CCDC102B: variants seen among roughly 807,000 people sequenced by gnomAD.
The protein encoded by CCDC102B is coiled-coil domain containing 102B.
A neutral mutation model predicts 57.4 loss-of-function variants in CCDC102B; 75 were observed. That is an observed-to-expected ratio of 1.31 (90% CI 1.08 to 1.58). CCDC102B has a LOEUF of 1.58. Among genes scored for constraint, CCDC102B ranks in the 40% most tolerant of loss-of-function variants. The pLI is 0.00. For missense variants in CCDC102B, 636 were observed against 582.6 expected (o/e 1.09, Z -0.94); for synonymous variants, 206 against 201.9 (o/e 1.02, Z -0.17).
At chr18:68,920,863 G>T (rs1167589410) in intron 6 of CCDC102B, among the ~76,000 whole-genome samples, 1 of 152,088 alleles carries the variant, frequency 6.6e-6, no homozygotes, top group African/African-American at 2.4e-5. Flanking sequence ...GGGAATTATG[G>T]GGTTTATGAG....
chr18:68,968,225 G>C (rs766586824), intron 6 of CCDC102B, among the ~76,000 whole-genome samples: 4 of 152,102 alleles, frequency 2.6e-5, no homozygotes, highest in African/African-American at 4.8e-5. Flanking sequence ...ATAGCCAACT[G>C]TTCCTGGGTA....
At chr18:68,889,588 T>TTTTG (rs374805210) in intron 5 of CCDC102B, among the ~76,000 whole-genome samples, 2,141 of 151,978 alleles carry the variant, frequency 0.014, 27 homozygotes, top group Non-Finnish European at 0.024. Flanking sequence ...CCCGGCTAAT[T>TTTTG]TTTGTTTGTT....
intron 6 of CCDC102B, among the ~76,000 whole-genome samples, chr18:68,928,830 GA>G (rs1392414689): frequency 1.3e-5 from 2 of 151,872 alleles, no homozygotes; most frequent in Non-Finnish European, 2.9e-5. Context: ...GGATTTTAAA[GA>G]GGGGGGACAA....
intron 4 of CCDC102B, among the ~76,000 whole-genome samples, chr18:68,857,375 A>G (rs1376193384): frequency 8.9e-6 from 1 of 112,304 alleles, no homozygotes; most frequent in Non-Finnish European, 1.7e-5. Context: ...ATTTCTATAT[A>G]TAAATATATA....
rs564977836 is a variant in CCDC102B, at chr18:68,925,889, A to G, written c.1263+28461A>G. On this transcript the variant is annotated intron_variant, in intron 6 of 7. Coordinates refer to ENST00000360242, the MANE Select transcript of CCDC102B (RefSeq NM_024781.3). ...AGTTATTTTGAGGAGTATATTATCA[A>G]TATATATCTCTGAGACATTTTTTAA... 2.1e-3 allele frequency among the ~76,000 whole-genome samples: 317 copies of G among 152,086 alleles called. 2 individuals carry two copies. The highest frequency in any genetic ancestry group is 7.4e-3 in the African/African-American group (307 of 41,536).
At chr18:68,742,615 G>A (rs1822932167) in intron 2 of CCDC102B, among the ~76,000 whole-genome samples, 1 of 152,118 alleles carries the variant, frequency 6.6e-6, no homozygotes, top group Non-Finnish European at 1.5e-5. Context: ...ATTGGTCATG[G>A]GCCACTGGCA....
intron 7 of CCDC102B, among the ~76,000 whole-genome samples, chr18:69,046,061 T>C (rs2052558733): frequency 6.6e-6 from 1 of 152,152 alleles, no homozygotes; most frequent in Non-Finnish European, 1.5e-5. Context: ...AATGAACATA[T>C]GCATGCTTAT....
intron 7 of CCDC102B, among the ~76,000 whole-genome samples, chr18:69,011,870 A>T (rs955526972): frequency 6.6e-6 from 1 of 152,204 alleles, no homozygotes; most frequent in African/African-American, 2.4e-5. Flanking sequence ...GAAATAAAAA[A>T]ATAAGCAGCT....
chr18:68,777,802 C>G (rs1053599624), intron 2 of CCDC102B, among the ~76,000 whole-genome samples: 8 of 151,916 alleles, frequency 5.3e-5, no homozygotes, highest in Non-Finnish European at 1.0e-4. Flanking sequence ...AGAACAGTTT[C>G]CTAAATATGT....
chr18:68,851,675 G>C (rs562063951), intron 4 of CCDC102B, among the ~76,000 whole-genome samples: 98 of 152,208 alleles, frequency 6.4e-4, no homozygotes, highest in Middle Eastern at 3.4e-3. Flanking sequence ...AAAAAGAGAG[G>C]TTAAGTTAAG....
intron 7 of CCDC102B, among the ~76,000 whole-genome samples, chr18:69,025,123 G>A (rs957426436): frequency 6.6e-6 from 1 of 151,948 alleles, no homozygotes. Context: ...GCAAAGAAAA[G>A]ATGTCATGAC....
chr18:68,863,736 A>G (rs559197340), intron 4 of CCDC102B, among the ~76,000 whole-genome samples: 1 of 152,058 alleles, frequency 6.6e-6, no homozygotes, highest in African/African-American at 2.4e-5. Flanking sequence ...TTTTTTTAGT[A>G]TCAATATTAA....
chr18:68,972,208 T>A (rs1599773858), intron 6 of CCDC102B, among the ~76,000 whole-genome samples: 1 of 152,192 alleles, frequency 6.6e-6, no homozygotes, highest in Admixed American at 6.5e-5. Flanking sequence ...CCTTGCTTCC[T>A]GTTTCCACGT....
At chr18:68,793,638 C>T (rs1331779916), upstream of CCDC102B, among the ~76,000 whole-genome samples, 3 of 149,524 alleles carry the variant, frequency 2.0e-5, no homozygotes, top group Non-Finnish European at 4.5e-5. Flanking sequence ...TCCATTTATC[C>T]ATTTACTGTT....
chr18:68,790,364 C>T (rs971556925), intron 2 of CCDC102B, among the ~76,000 whole-genome samples: 44 of 151,798 alleles, frequency 2.9e-4, no homozygotes, highest in Non-Finnish European at 6.0e-4. Context: ...CCACCCAGTT[C>T]GAGCTTCTGG....
intron 6 of CCDC102B, among the ~76,000 whole-genome samples, chr18:68,982,249 A>T (rs2050607004): frequency 6.6e-6 from 1 of 151,950 alleles, no homozygotes; most frequent in Admixed American, 6.6e-5. Flanking sequence ...AAAAAAAACA[A>T]TGAAGTATAA....
chr18:68,761,668 T>C (rs2034257956), intron 2 of CCDC102B, among the ~76,000 whole-genome samples: 1 of 152,106 alleles, frequency 6.6e-6, no homozygotes, highest in Non-Finnish European at 1.5e-5. Context: ...GGATATTATA[T>C]AACTACACTA....
At chr18:68,894,761 T>A (rs1316135143) in intron 5 of CCDC102B, among the ~76,000 whole-genome samples, 1 of 151,862 alleles carries the variant, frequency 6.6e-6, no homozygotes, top group African/African-American at 2.4e-5. Flanking sequence ...TTGATAAATC[T>A]GCCAATAGTA....
At chr18:68,880,058 C>T (rs545309376) in intron 5 of CCDC102B, among the ~76,000 whole-genome samples, 50 of 152,100 alleles carry the variant, frequency 3.3e-4, no homozygotes, top group African/African-American at 1.1e-3. Context: ...CGGTGCTCAT[C>T]GGGGAGGCTT....
Sources: gnomAD v4.1 joint callset for allele counts (sites outside exome capture counted in the v4.1 genomes callset) on GRCh38, gnomAD v4.1.1 for gene constraint, MANE v1.5 for transcripts, NCBI Gene and HGNC (gene_info 2026-07-23, HGNC 2026-07-21) for gene names.